DCAF17: variants seen among roughly 807,000 people sequenced by gnomAD.
DCAF17 encodes DDB1- and CUL4-associated factor 17.
Under a neutral mutation model 66.0 loss-of-function variants are expected in DCAF17, and 48 were observed. The ratio of observed to expected loss-of-function variants is 0.73; its 90% CI spans 0.58 to 0.92. DCAF17 has a LOEUF of 0.92. DCAF17 is among the 40% of genes least tolerant of loss of function. DCAF17 has a pLI of 0.00. For missense variants in DCAF17, 562 were observed against 622.8 expected, an observed-to-expected ratio of 0.90 and a Z score of 1.04; for synonymous variants, 206 against 214.6, an observed-to-expected ratio of 0.96 and a Z score of 0.35.
At chr2:171,473,672 A>G (rs1031338364) in intron 9 of DCAF17, among the ~76,000 whole-genome samples, 194 bp from the exon 10 acceptor site, 3 of 152,206 alleles carry the variant, frequency 2.0e-5, no homozygotes, top group Admixed American at 6.5e-5. Flanking sequence ...AATCCATGAC[A>G]TTTCTGAATT....
intron 9 of DCAF17, 23 bp from the exon 10 acceptor site, chr2:171,473,843 T>A: frequency 6.3e-7 from 1 of 1,575,384 alleles, no homozygotes; most frequent in South Asian, 1.1e-5. Flanking sequence ...ATCTTTGTCT[T>A]TAATACTTTT....
At chr2:171,452,992 A>T (rs1296009270) in intron 5 of DCAF17, 132 bp from the exon 6 acceptor site, 3 of 560,740 alleles carry the variant, frequency 5.4e-6, no homozygotes, top group Non-Finnish European at 6.1e-6. Context: ...ATCTAGATAG[A>T]TGGTTGTTTT....
At chr2:171,472,068 C>A (rs991662279) in intron 9 of DCAF17, among the ~76,000 whole-genome samples, 1 of 151,978 alleles carries the variant, frequency 6.6e-6, no homozygotes, top group Middle Eastern at 3.2e-3. Flanking sequence ...ACAATATAAC[C>A]CCAGCCTACC....
At chr2:171,463,269 A>G (rs1273370022) in intron 8 of DCAF17, among the ~76,000 whole-genome samples, 24 of 151,298 alleles carry the variant, frequency 1.6e-4, no homozygotes, top group Non-Finnish European at 2.7e-4. Flanking sequence ...TTGCACTGGT[A>G]TAGGATAATT....
At chr2:171,472,851 A>T (rs1284717893) in intron 9 of DCAF17, 1 of 298,250 alleles carries the variant, frequency 3.4e-6, no homozygotes, top group African/African-American at 2.2e-5. Flanking sequence ...GAAATATGGC[A>T]TCATTTCATT....
intron 8 of DCAF17, among the ~76,000 whole-genome samples, chr2:171,461,236 G>A (rs565242724): frequency 2.6e-5 from 4 of 152,222 alleles, no homozygotes; most frequent in African/African-American, 9.6e-5. Flanking sequence ...CTTGAGGTCA[G>A]GAGTGCAAGA....
At position 171,468,953 on chromosome 2, in the gene DCAF17, T is replaced by G. The variant is rs1463889939; in HGVS notation, c.904T>G (p.Trp302Gly). Residue 302 changes from tryptophan (W) to glycine (G), a missense_variant, in exon 9 of 14, where the codon TGG becomes GGG. Trp to Gly is a radical substitution (Grantham distance 184, BLOSUM62 -2). Coordinates refer to ENST00000375255, the MANE Select transcript of DCAF17 (RefSeq NM_025000.4). Reference sequence around the variant, plus strand: ...TGCTTTTCAGATTGGAGGCCATCCTTGGCACTACATCGTCACACCTAATAA... The same window carrying G: ...TGCTTTTCAGATTGGAGGCCATCCTGGGCACTACATCGTCACACCTAATAA... ...ENAFQIGGHP[W>G]HYIVTPNKKK... The G allele has an allele frequency of 6.2e-7, 1 of 1,614,152 alleles. No individual in the cohort carries two copies. The highest frequency in any genetic ancestry group is 8.5e-7 in the Non-Finnish European group (1 of 1,180,010).
intron 2 of DCAF17, among the ~76,000 whole-genome samples, chr2:171,438,001 A>G (rs1005054271): frequency 6.6e-6 from 1 of 152,232 alleles, no homozygotes; most frequent in African/African-American, 2.4e-5. Flanking sequence ...ACTTACTGCT[A>G]TACCTTTTCC....
At chr2:171,472,807 C>T (rs1336433976) in intron 9 of DCAF17, 1 of 211,772 alleles carries the variant, frequency 4.7e-6, no homozygotes, top group East Asian at 1.5e-4. Flanking sequence ...AATTTAAAAG[C>T]TTTAGTGTTT....
intron 9 of DCAF17, among the ~76,000 whole-genome samples, chr2:171,472,435 T>C (rs1016233035): frequency 6.6e-6 from 1 of 152,226 alleles, no homozygotes; most frequent in Non-Finnish European, 1.5e-5. Context: ...TGCCTCGGCC[T>C]CCCAAAGTGC....
chr2:171,456,395 T>C (rs1695263231), intron 6 of DCAF17, among the ~76,000 whole-genome samples: 1 of 152,240 alleles, frequency 6.6e-6, no homozygotes, highest in South Asian at 2.1e-4. Flanking sequence ...CTGTTTTGGT[T>C]ACTGTAGCCC....
At chr2:171,440,450 C>G (rs763726394) in intron 2 of DCAF17, among the ~76,000 whole-genome samples, 19 of 152,132 alleles carry the variant, frequency 1.2e-4, no homozygotes, top group Non-Finnish European at 2.6e-4. Flanking sequence ...TGGCACACAC[C>G]TGTAGTCCCA....
chr2:171,454,266 G>A (rs1157336658), intron 6 of DCAF17, among the ~76,000 whole-genome samples: 2 of 151,540 alleles, frequency 1.3e-5, no homozygotes, highest in Non-Finnish European at 2.9e-5. Flanking sequence ...CTTTATTATA[G>A]CAGTCATTAT....
At chr2:171,459,519 T>C (rs972908002) in intron 8 of DCAF17, among the ~76,000 whole-genome samples, 2 of 152,222 alleles carry the variant, frequency 1.3e-5, no homozygotes, top group Non-Finnish European at 2.9e-5. Flanking sequence ...TCTTGTTCAT[T>C]AAGACTCATT....
At chr2:171,437,062 C>T (rs1694016752) in intron 2 of DCAF17, among the ~76,000 whole-genome samples, 2 of 152,120 alleles carry the variant, frequency 1.3e-5, no homozygotes. Flanking sequence ...GCATGAGCCA[C>T]CGCGTCCAGC....
chr2:171,465,546 C>T (rs563895625), intron 8 of DCAF17, among the ~76,000 whole-genome samples: 1 of 152,180 alleles, frequency 6.6e-6, no homozygotes, highest in Admixed American at 6.5e-5. Flanking sequence ...TGCAGTGGCG[C>T]GATCTCAGCT....
Position 171,483,832 on chromosome 2 carries a change from C to G in DCAF17, c.*2718C>G, listed in dbSNP as rs1456198654. The G allele has an allele frequency of 2.2e-6, 1 of 453,950 alleles. No individual in the cohort carries two copies. The highest frequency in any genetic ancestry group is 1.6e-5 in the South Asian group (1 of 64,458). 28.1% of individuals were successfully genotyped at this position (453,950 alleles called of 1,614,324 possible). A position where few individuals can be genotyped will look rare whatever the true frequency, so the allele number is the denominator to read the frequency against. On this transcript the variant is annotated 3_prime_UTR_variant, in exon 14 of 14. Coordinates refer to ENST00000375255, the MANE Select transcript of DCAF17 (RefSeq NM_025000.4). The stretch of plus-strand genomic sequence containing the variant: ...CACAGAAGTTAATTGGCCCAGGGTC[C>G]CACAACTAGTCAGTGCAGAGGTGGG...
intron 9 of DCAF17, among the ~76,000 whole-genome samples, chr2:171,473,359 C>T (rs1456520746): frequency 6.6e-6 from 1 of 152,014 alleles, no homozygotes; most frequent in Admixed American, 6.6e-5. Context: ...AGTCCTAGCA[C>T]TTTAAGAGGC....
intron 8 of DCAF17, among the ~76,000 whole-genome samples, chr2:171,462,704 A>G (rs536236377): frequency 9.2e-5 from 14 of 152,332 alleles, no homozygotes; most frequent in African/African-American, 3.4e-4. Flanking sequence ...CTTCAGTACT[A>G]GGAATTTATC....
Sources: allele counts gnomAD v4.1 joint callset (sites outside exome capture counted in the v4.1 genomes callset), GRCh38; gene constraint gnomAD v4.1.1; transcripts MANE v1.5; gene names NCBI Gene and HGNC (gene_info 2026-07-23, HGNC 2026-07-21).